The following NHSL1 variants were observed in gnomAD, a reference collection of about 807,000 sequenced individuals.
The protein encoded by NHSL1 is NHS-like protein 1.
NHSL1 carries 48 observed loss-of-function variants against 95.0 expected under a neutral mutation model. The observed-to-expected ratio is 0.51, with a 90% CI of 0.40 to 0.64. The LOEUF (loss-of-function observed/expected upper bound fraction) is 0.64. Among genes scored for constraint, NHSL1 ranks in the 30% least tolerant of loss-of-function variants. The probability of loss-of-function intolerance (pLI) is 0.00; values close to 1 mark genes in which losing one functional copy is unlikely to be tolerated. For synonymous variants in NHSL1, 783 were observed against 833.9 expected, an observed-to-expected ratio of 0.94 and a Z score of 1.05; for missense variants, 1,971 against 2,077.7, an observed-to-expected ratio of 0.95 and a Z score of 1.00.
At chr6:138,620,834 C>T (rs964751085) in intron 1 of NHSL1, among the ~76,000 whole-genome samples, 8 of 152,150 alleles carry the variant, frequency 5.3e-5, no homozygotes, top group African/African-American at 1.2e-4. Flanking sequence ...CCCAATTGCC[C>T]GACCCTCCCA....
chr6:138,500,892 A>G (rs1368606419), upstream of NHSL1, among the ~76,000 whole-genome samples: 1 of 152,244 alleles, frequency 6.6e-6, no homozygotes, highest in Admixed American at 6.5e-5. Flanking sequence ...TTCATTTTAT[A>G]TATAGCTTTA....
At chr6:138,690,779 G>T (rs1785655732) in intron 1 of NHSL1, among the ~76,000 whole-genome samples, 1 of 152,202 alleles carries the variant, frequency 6.6e-6, no homozygotes, top group Non-Finnish European at 1.5e-5. Context: ...GTTTTGAAAA[G>T]AGTTATTTCA....
chr6:138,636,000 G>A (rs1784883680), intron 1 of NHSL1, among the ~76,000 whole-genome samples: 2 of 148,964 alleles, frequency 1.3e-5, no homozygotes, highest in Admixed American at 6.7e-5. Context: ...GTGCAGGCCT[G>A]TAATTCCAGC....
intron 1 of NHSL1, among the ~76,000 whole-genome samples, chr6:138,690,760 T>G (rs1325359939): frequency 1.3e-5 from 2 of 152,112 alleles, no homozygotes; most frequent in Non-Finnish European, 2.9e-5. Context: ...TCAAACAAAC[T>G]TGTGAAAAGT....
At chr6:138,439,615 A>G (rs1171825872) in intron 5 of NHSL1, among the ~76,000 whole-genome samples, 1 of 152,188 alleles carries the variant, frequency 6.6e-6, no homozygotes. Context: ...TAATCCTCCA[A>G]CTAGCCTATC....
At chr6:138,464,033 A>T (rs879290689) in intron 3 of NHSL1, 8 of 370,928 alleles carry the variant, frequency 2.2e-5, no homozygotes, top group African/African-American at 4.2e-5. Flanking sequence ...TATTGGCAAG[A>T]CTGAATAAAT....
rs564107063 is a variant in NHSL1, at chr6:138,430,797, A to T, written c.3548T>A (p.Leu1183His). The T allele has an allele frequency of 6.4e-7, 1 of 1,550,798 alleles. No homozygotes were observed. Among genetic ancestry groups the T allele is most frequent in the East Asian group, 2.4e-5 (1 of 40,840 alleles). ...CTTCCTGCTGGGTGAAGAGTCTGGGAGTGGGGTGGTGCTGGGGCTGGGCCG... is the reference window on the plus strand; with the variant it reads ...CTTCCTGCTGGGTGAAGAGTCTGGGTGTGGGGTGGTGCTGGGGCTGGGCCG... ...EARPSPSTTPLPDSSPSRKPP... is the reference protein window; with the variant it reads ...EARPSPSTTPHPDSSPSRKPP... Residue 1183 changes from leucine (L) to histidine (H), a missense_variant, in exon 6 of 8, where the codon CTC becomes CAC. Physicochemically the swap from Leu to His is moderately conservative, Grantham distance 99. This residue lies in a region of NHSL1 where 1,602 missense variants were observed against 1,654.5 expected (regional missense o/e 0.97). Transcript: ENST00000343505. This position sits in a 1 kb window ranked among gnomAD's most constrained non-coding sequence, Gnocchi z 4.7.
intron 1 of NHSL1, among the ~76,000 whole-genome samples, chr6:138,610,893 C>T (rs1048407243): frequency 5.9e-5 from 9 of 151,994 alleles, no homozygotes; most frequent in Non-Finnish European, 1.2e-4. Flanking sequence ...GCCTGACGAA[C>T]GTGGTGAAAT....
intron 1 of NHSL1, among the ~76,000 whole-genome samples, chr6:138,687,476 G>C (rs1183330651): frequency 1.3e-5 from 2 of 152,124 alleles, no homozygotes; most frequent in Non-Finnish European, 1.5e-5. Context: ...TCAGAACTAT[G>C]AGCCTACTGT....
upstream of NHSL1, among the ~76,000 whole-genome samples, chr6:138,693,188 A>G (rs1022855007): frequency 6.6e-6 from 1 of 151,146 alleles, no homozygotes; most frequent in African/African-American, 2.4e-5. The surrounding 1 kb of genome is among the most constrained non-coding windows in gnomAD (Gnocchi z 4.3). Flanking sequence ...GAGAGGGAGG[A>G]GGAAGCGAGG....
chr6:138,581,206 C>G (rs1186569701), intron 1 of NHSL1, among the ~76,000 whole-genome samples: 1 of 152,206 alleles, frequency 6.6e-6, no homozygotes, highest in Non-Finnish European at 1.5e-5. Context: ...GTTTTGCAAC[C>G]TGCTCTATCT....
intron 1 of NHSL1, among the ~76,000 whole-genome samples, chr6:138,511,477 G>A (rs1781227039): frequency 6.6e-6 from 1 of 151,652 alleles, no homozygotes; most frequent in Non-Finnish European, 1.5e-5. Context: ...TAGGTCTATG[G>A]GGTCTCCCAA....
intron 5 of NHSL1, among the ~76,000 whole-genome samples, chr6:138,435,638 G>A (rs1776029425): frequency 1.3e-5 from 2 of 151,710 alleles, no homozygotes; most frequent in East Asian, 3.9e-4. Context: ...AATATGATAG[G>A]AAACAGATGA....
upstream of NHSL1, among the ~76,000 whole-genome samples, chr6:138,500,421 G>T (rs561964437): frequency 6.6e-6 from 1 of 152,076 alleles, no homozygotes; most frequent in South Asian, 2.1e-4. Flanking sequence ...TAGGAAAAAA[G>T]AGGAGAATAT....
chr6:138,594,912 G>T (rs1055397098), intron 1 of NHSL1, among the ~76,000 whole-genome samples: 1 of 152,204 alleles, frequency 6.6e-6, no homozygotes, highest in Non-Finnish European at 1.5e-5. Context: ...GCCTGCTGTG[G>T]TTAGCTGGCT....
At chr6:138,667,055 T>C (rs956403984) in intron 1 of NHSL1, among the ~76,000 whole-genome samples, 6 of 152,228 alleles carry the variant, frequency 3.9e-5, no homozygotes, top group Non-Finnish European at 8.8e-5. Context: ...TACAGAATTT[T>C]TGTCAGTTTC....
chr6:138,432,334 G>C lies in NHSL1; in HGVS notation c.2011C>G (p.Pro671Ala). Residue 671 changes from proline (P) to alanine (A), a missense_variant, in exon 6 of 8, where the codon CCT becomes GCT. Coordinates refer to ENST00000343505, the MANE Select transcript of NHSL1 (RefSeq NM_001144060.2). This position sits in a 1 kb window ranked among gnomAD's most constrained non-coding sequence, Gnocchi z 4.4. The part of the protein sequence containing the change: ...RNISLKKAKK[P>A]PLPPSRTDSL... ...TCTGTCCGGGAGGGTGGCAGGGGAG[G>C]CTTCTTTGCTTTCTTCAAAGAGATG... is the stretch of plus-strand genomic sequence containing the variant. 6.4e-7 allele frequency: 1 copy of C among 1,551,712 alleles called. No homozygotes were observed. The highest frequency in any genetic ancestry group is 8.7e-7 in the Non-Finnish European group (1 of 1,146,996).
At chr6:138,514,855 C>T (rs1486640593) in intron 1 of NHSL1, among the ~76,000 whole-genome samples, 3 of 152,044 alleles carry the variant, frequency 2.0e-5, no homozygotes, top group East Asian at 1.9e-4. Flanking sequence ...CCCAGAAGTT[C>T]GAGGCTGCAG....
intron 7 of NHSL1, among the ~76,000 whole-genome samples, chr6:138,428,944 C>T (rs1018798678): frequency 2.0e-5 from 3 of 152,218 alleles, no homozygotes; most frequent in Admixed American, 2.0e-4. Flanking sequence ...TGCACATATA[C>T]AGTCATCAGC....
Sources: allele counts gnomAD v4.1 joint callset (sites outside exome capture counted in the v4.1 genomes callset), GRCh38; gene constraint gnomAD v4.1.1; regional missense constraint gnomAD v4.1.1; non-coding constraint Gnocchi (gnomAD v3.1); transcripts MANE v1.5; gene names NCBI Gene and HGNC (gene_info 2026-07-23, HGNC 2026-07-21).